The following SLA2 variants were observed in gnomAD, a reference collection of about 807,000 sequenced individuals.
SLA2 encodes src-like-adapter 2.
Under a neutral mutation model 27.3 loss-of-function variants are expected in SLA2, and 22 were observed. The ratio of observed to expected loss-of-function variants is 0.81; its 90% confidence interval spans 0.58 to 1.15. SLA2 has a LOEUF of 1.15. Among genes scored for constraint, SLA2 ranks in the 50% most tolerant of loss-of-function variants. The pLI, the probability that SLA2 is intolerant of heterozygous loss-of-function variation, is 0.00. For missense variants in SLA2, 304 were observed against 322.2 expected, an observed-to-expected ratio of 0.94 and a Z score of 0.43; for synonymous variants, 131 against 137.8, an observed-to-expected ratio of 0.95 and a Z score of 0.34.
At chr20:36,625,832 A>T (rs1268640474) in intron 5 of SLA2, among the ~76,000 whole-genome samples, 1 of 151,636 alleles carries the variant, frequency 6.6e-6, no homozygotes, top group Non-Finnish European at 1.5e-5. Flanking sequence ...GTCAAAAAAA[A>T]AAAAAAAAAA....
intron 5 of SLA2, among the ~76,000 whole-genome samples, chr20:36,616,841 C>G (rs2039218124): frequency 6.6e-6 from 1 of 152,044 alleles, no homozygotes; most frequent in South Asian, 2.1e-4. Context: ...GCCTGTAATC[C>G]CAGTTCGAGA....
chr20:36,632,430 A>C (rs2039401532), intron 5 of SLA2, among the ~76,000 whole-genome samples, 165 bp downstream of exon 5: 1 of 152,026 alleles, frequency 6.6e-6, no homozygotes, highest in Admixed American at 6.6e-5. Context: ...TGGGCTCCAC[A>C]TGGTTCATAT....
chr20:36,612,391 T>G lies in SLA2; in HGVS notation c.*1475A>C. On this transcript the variant is annotated 3_prime_UTR_variant, in exon 8 of 8. Coordinates refer to ENST00000262866, the MANE Select transcript of SLA2 (RefSeq NM_032214.4). ...TGAAACATTAAATTGTCTTCCTCGA[T>G]TCTCCATCGGGTGTAGAGTTTTTAA... is the stretch of plus-strand genomic sequence containing the variant. 1.5e-6 allele frequency: 1 copy of G among 670,922 alleles called. No individual in the cohort carries two copies. The highest frequency in any genetic ancestry group is 2.6e-6 in the Non-Finnish European group (1 of 388,368). 41.6% of individuals were successfully genotyped at this position (670,922 alleles called of 1,614,324 possible).
rs752185577 is a variant in SLA2, at chr20:36,613,893, G to A, written c.759C>T (p.Asp253=). Reference sequence around the variant, plus strand: ...AGGCATCATCCAAAGAGACAGCCTCGTCATTCAGGCTGATGTAGAAGCTGA... The same window carrying A: ...AGGCATCATCCAAAGAGACAGCCTCATCATTCAGGCTGATGTAGAAGCTGA... ...ESLSFYISLN[D]EAVSLDDA The change falls in exon 8 of 8, where the codon GAC becomes GAT. Residue 253 remains aspartate, a synonymous_variant. Coordinates refer to ENST00000262866, the MANE Select transcript of SLA2 (RefSeq NM_032214.4). 1.9e-5 allele frequency: 30 copies of A among 1,613,948 alleles called. No individual in the cohort carries two copies. Among genetic ancestry groups the A allele is most frequent in the Middle Eastern group, 1.6e-4 (1 of 6,062 alleles).
At chr20:36,625,473 C>T (rs1418333246) in intron 5 of SLA2, among the ~76,000 whole-genome samples, 1 of 152,076 alleles carries the variant, frequency 6.6e-6, no homozygotes, top group Non-Finnish European at 1.5e-5. Flanking sequence ...ATTCCCCCGC[C>T]TCGGCCTCTC....
chr20:36,618,993 A>T (rs2039247637), intron 5 of SLA2, among the ~76,000 whole-genome samples: 1 of 146,456 alleles, frequency 6.8e-6, no homozygotes, highest in South Asian at 2.2e-4. Flanking sequence ...TGGGAGGTTG[A>T]GGTGGGCAGA....
chr20:36,642,595 T>C (rs1435345832), intron 1 of SLA2, among the ~76,000 whole-genome samples: 2 of 151,996 alleles, frequency 1.3e-5, no homozygotes, highest in Admixed American at 1.3e-4. Flanking sequence ...TTTGTTTTGT[T>C]TTTTTAATAC....
chr20:36,617,122 C>T (rs1203742254), intron 5 of SLA2, among the ~76,000 whole-genome samples: 2 of 151,928 alleles, frequency 1.3e-5, no homozygotes, highest in Non-Finnish European at 1.5e-5. Context: ...CTTTGGGAGG[C>T]CGAGGTGGGC....
chr20:36,622,210 C>CAAAAAA lies in SLA2; in HGVS notation c.383-6842_383-6837dup, dbSNP rs549536610. On this transcript the variant is annotated intron_variant, in intron 5 of 7. Coordinates refer to ENST00000262866, the MANE Select transcript of SLA2 (RefSeq NM_032214.4). ...TGGGTGACAGAGCAAGACTTGATCT[C>CAAAAAA]AAAAAAAAAAAAAAAAATTAGCTGG... Among the ~76,000 whole-genome samples, 602 of 100,932 alleles carry CAAAAAA rather than the reference C, an allele frequency of 6.0e-3. 6 individuals are homozygous for CAAAAAA. The highest frequency in any genetic ancestry group is 0.021 in the African/African-American group (556 of 26,460). 66.2% of individuals were successfully genotyped at this position (100,932 alleles called of 152,430 possible). A position where few individuals can be genotyped will look rare whatever the true frequency, so the allele number is the denominator to read the frequency against.
At chr20:36,627,040 G>A (rs758106150) in intron 5 of SLA2, among the ~76,000 whole-genome samples, 3 of 151,252 alleles carry the variant, frequency 2.0e-5, no homozygotes, top group Non-Finnish European at 3.0e-5. Context: ...AAAGAATGGC[G>A]AAGGATGAGT....
At chr20:36,625,216 A>AT (rs71186005) in intron 5 of SLA2, among the ~76,000 whole-genome samples, 21,132 of 78,578 alleles carry the variant, frequency 0.27, 3,967 homozygotes, top group East Asian at 0.39. Context: ...ACGTACCCTG[A>AT]TTTTTTTTTT....
chr20:36,617,946 G>T (rs1171749274), intron 5 of SLA2, among the ~76,000 whole-genome samples: 1 of 151,472 alleles, frequency 6.6e-6, no homozygotes, highest in Non-Finnish European at 1.5e-5. Context: ...AGGAGATCAA[G>T]ATCATCCTGG....
rs1015165336 is a variant in SLA2, at chr20:36,632,615, C to T, written c.362G>A (p.Arg121Gln). 7 of 1,613,994 alleles carry T rather than the reference C, an allele frequency of 4.3e-6. No individual in the cohort carries two copies. Among genetic ancestry groups the T allele is most frequent in the Non-Finnish European group, 4.2e-6 (5 of 1,179,968 alleles). Residue 121 changes from arginine (R) to glutamine (Q), a missense_variant, in exon 5 of 8, where the codon CGG (arginine) becomes CAG (glutamine). Physicochemically the swap from Arg to Gln is conservative, Grantham distance 43. Transcript: ENST00000262866. ...CTCACCTCTCCTGGTCTGGCTCTCC[C>T]GGATGAGGAAGGCCCCTCCAGGGTT... Reference protein sequence around the residue: ...PGNPGGAFLIRESQTRRGSYS... With the variant: ...PGNPGGAFLIQESQTRRGSYS...
Position 36,612,463 on chromosome 20 carries a change from G to A in SLA2, c.*1403C>T, listed in dbSNP as rs1600811588. The stretch of plus-strand genomic sequence containing the variant: ...CTTCTGAAACAGCATGGCTGTATGT[G>A]CGTGGTCCATAGCACAGTACATGCA... On this transcript the variant is annotated 3_prime_UTR_variant, in exon 8 of 8. Coordinates refer to ENST00000262866, the MANE Select transcript of SLA2 (RefSeq NM_032214.4). 2 of 569,282 alleles carry A rather than the reference G, an allele frequency of 3.5e-6. No homozygotes were observed. Among genetic ancestry groups the A allele is most frequent in the African/African-American group, 1.9e-5 (1 of 53,444 alleles). 35.3% of individuals were successfully genotyped at this position (569,282 alleles called of 1,614,324 possible). A position where few individuals can be genotyped will look rare whatever the true frequency, so the allele number is the denominator to read the frequency against.
intron 5 of SLA2, chr20:36,621,173 A>T: frequency 2.2e-6 from 1 of 455,406 alleles, no homozygotes; most frequent in Non-Finnish European, 4.3e-6. Context: ...GCAAGATATG[A>T]AAACCAAGGT....
chr20:36,639,312 T>G (rs2039483002), intron 2 of SLA2, among the ~76,000 whole-genome samples: 1 of 151,972 alleles, frequency 6.6e-6, no homozygotes. Context: ...AGCATCAGCT[T>G]TTCCCTGGGT....
intron 5 of SLA2, among the ~76,000 whole-genome samples, chr20:36,624,192 C>G (rs2039312829): frequency 1.3e-5 from 2 of 152,104 alleles, no homozygotes; most frequent in South Asian, 4.1e-4. Context: ...GCGCGGCATC[C>G]TCTCTTCTCA....
intron 5 of SLA2, among the ~76,000 whole-genome samples, chr20:36,626,369 T>G (rs1398929535): frequency 1.4e-5 from 2 of 145,350 alleles, no homozygotes; most frequent in African/African-American, 2.6e-5. Context: ...TCCAGCCCAA[T>G]GACAGAACGA....
Position 36,641,373 on chromosome 20 carries a change from G to A in SLA2, c.-38C>T, listed in dbSNP as rs757544056. On this transcript the variant is annotated 5_prime_UTR_variant, in exon 2 of 8. Transcript: ENST00000262866. Reference sequence around the variant, plus strand: ...GAGCACTCAGAAGCACATCATCGAGGGAAATCTGAAAGAGACACAGTGATG... The same window carrying A: ...GAGCACTCAGAAGCACATCATCGAGAGAAATCTGAAAGAGACACAGTGATG... 1.3e-6 allele frequency: 2 copies of A among 1,578,756 alleles called. No individual in the cohort carries two copies. Among genetic ancestry groups the A allele is most frequent in the South Asian group, 1.1e-5 (1 of 90,226 alleles).
Sources: allele counts gnomAD v4.1 joint callset (sites outside exome capture counted in the v4.1 genomes callset), GRCh38; gene constraint gnomAD v4.1.1; transcripts MANE v1.5; gene names NCBI Gene and HGNC (gene_info 2026-07-23, HGNC 2026-07-21).